The following MLLT10 variants were observed in gnomAD, a reference collection of about 807,000 sequenced individuals.
The protein encoded by MLLT10 is protein AF-10.
Under a neutral mutation model 129.1 loss-of-function variants are expected in MLLT10, and 30 were observed. The observed-to-expected ratio is 0.23, with a 90% CI of 0.17 to 0.32. MLLT10 has a LOEUF of 0.32. MLLT10 is among the 10% of genes least tolerant of loss of function. MLLT10 has a pLI of 1.00. For synonymous variants in MLLT10, 490 were observed against 446.4 expected (o/e 1.10, Z -1.23); for missense variants, 1,119 against 1,268.3 (o/e 0.88, Z 1.79).
At chr10:21,579,237 G>A (rs2041113188) in intron 3 of MLLT10, among the ~76,000 whole-genome samples, 1 of 152,116 alleles carries the variant, frequency 6.6e-6, no homozygotes, top group African/African-American at 2.4e-5. Flanking sequence ...TCCAGTCACT[G>A]TTCCCTCTGC....
intron 13 of MLLT10, among the ~76,000 whole-genome samples, chr10:21,705,700 T>G (rs1040955837): frequency 1.3e-5 from 2 of 152,176 alleles, no homozygotes; most frequent in African/African-American, 2.4e-5. Context: ...CAGTAGCTGG[T>G]GTATCTCTTG....
At chr10:21,708,787 C>T in intron 13 of MLLT10, 11 of 968,704 alleles carry the variant, frequency 1.1e-5, no homozygotes, top group Non-Finnish European at 1.4e-5. Context: ...GTAATTGCAA[C>T]TTTCAAAGTG....
intron 3 of MLLT10, among the ~76,000 whole-genome samples, chr10:21,557,461 G>A (rs2038190962): frequency 6.6e-6 from 1 of 152,000 alleles, no homozygotes; most frequent in African/African-American, 2.4e-5. Context: ...TTTTGTCCTG[G>A]TTACCAGGCA....
chr10:21,612,740 T>A (rs1406395059), intron 6 of MLLT10, among the ~76,000 whole-genome samples: 1 of 152,326 alleles, frequency 6.6e-6, no homozygotes, highest in East Asian at 1.9e-4. Context: ...GATTTGTTAT[T>A]ATGATTAAAT....
intron 8 of MLLT10, chr10:21,624,471 A>G (rs1473620316): frequency 5.1e-6 from 3 of 586,358 alleles, no homozygotes; most frequent in East Asian, 2.9e-5. Flanking sequence ...CTTCAGCCCA[A>G]TACAAATGGC....
chr10:21,655,764 G>A (rs1348461833), intron 9 of MLLT10, among the ~76,000 whole-genome samples: 4 of 152,190 alleles, frequency 2.6e-5, no homozygotes, highest in African/African-American at 9.7e-5. Context: ...TACAAGAGCT[G>A]TGGGAGCAAA....
At chr10:21,596,394 CTG>C (rs1413275797) in intron 5 of MLLT10, among the ~76,000 whole-genome samples, 7 of 152,014 alleles carry the variant, frequency 4.6e-5, no homozygotes, top group African/African-American at 9.7e-5. Context: ...ATTCAACAAA[CTG>C]TAAATTTAAT....
intron 13 of MLLT10, among the ~76,000 whole-genome samples, chr10:21,706,639 A>G (rs1016959749): frequency 6.6e-6 from 1 of 152,224 alleles, no homozygotes; most frequent in African/African-American, 2.4e-5. Context: ...CTGGATGGGT[A>G]CTTACTTGAC....
At chr10:21,595,259 G>A in intron 4 of MLLT10, 72 bp from the exon 5 acceptor site, 2 of 1,104,368 alleles carry the variant, frequency 1.8e-6, no homozygotes, top group Non-Finnish European at 2.7e-6. Flanking sequence ...TAAGGGATCT[G>A]TTAAGGAAGT....
chr10:21,717,626 C>CTCT (rs2056744623), intron 14 of MLLT10, among the ~76,000 whole-genome samples: 1 of 133,338 alleles, frequency 7.5e-6, no homozygotes, highest in Non-Finnish European at 1.6e-5. Context: ...CCTCTTCCTC[C>CTCT]TCCTCCTCCT....
intron 5 of MLLT10, among the ~76,000 whole-genome samples, chr10:21,611,423 G>A (rs1258663189): frequency 2.0e-5 from 3 of 151,844 alleles, no homozygotes; most frequent in Non-Finnish European, 4.4e-5. Flanking sequence ...GCACCACAGT[G>A]CAAAGTGAAT....
chr10:21,725,615 T>C (rs1271581476), intron 14 of MLLT10, among the ~76,000 whole-genome samples: 1 of 143,272 alleles, frequency 7.0e-6, no homozygotes, highest in Non-Finnish European at 1.5e-5. Flanking sequence ...TCCCAGCCAC[T>C]GGGAAGTCTG....
chr10:21,738,827 C>CCTCTT (rs2058596797), intron 21 of MLLT10, among the ~76,000 whole-genome samples: 1 of 152,098 alleles, frequency 6.6e-6, no homozygotes, highest in Non-Finnish European at 1.5e-5. Context: ...CCTGGGTCCT[C>CCTCTT]CTCTTCAGCC....
chr10:21,693,763 T>C (rs1007468978), intron 13 of MLLT10, among the ~76,000 whole-genome samples: 5 of 152,256 alleles, frequency 3.3e-5, no homozygotes, highest in African/African-American at 1.2e-4. Flanking sequence ...TGGATTTGAA[T>C]ACTGCCCTTA....
chr10:21,584,775 G>A (rs993588541), intron 3 of MLLT10, among the ~76,000 whole-genome samples: 14 of 151,486 alleles, frequency 9.2e-5, no homozygotes, highest in African/African-American at 3.4e-4. Flanking sequence ...TAAAGTATGT[G>A]TGTATGTGTG....
Position 21,595,448 on chromosome 10 carries a change from G to C in MLLT10, c.405+8G>C. On this transcript the variant is annotated splice_region_variant and intron_variant, in intron 5 of 22. Transcript: ENST00000307729. ...CATGATCGTTATAATAAGGTACAGTGGATATTATTTTATTACTGTTTGAAT... is the reference window on the plus strand; with the variant it reads ...CATGATCGTTATAATAAGGTACAGTCGATATTATTTTATTACTGTTTGAAT... The C allele has an allele frequency of 1.3e-6, 2 of 1,588,354 alleles. No individual in the cohort carries two copies. Among genetic ancestry groups the C allele is most frequent in the Non-Finnish European group, 1.7e-6 (2 of 1,159,198 alleles).
At chr10:21,576,631 ATTT>A (rs772463822) in intron 3 of MLLT10, among the ~76,000 whole-genome samples, 3 of 138,234 alleles carry the variant, frequency 2.2e-5, no homozygotes, top group Non-Finnish European at 1.6e-5. Flanking sequence ...CTAATACACA[ATTT>A]TTTTTTTTTT....
At chr10:21,545,356 A>C (rs925832586) in intron 3 of MLLT10, among the ~76,000 whole-genome samples, 17 of 152,072 alleles carry the variant, frequency 1.1e-4, no homozygotes, top group African/African-American at 4.1e-4. Context: ...TACAGTCGCC[A>C]CAGAGACAAC....
rs114093197 is a variant in MLLT10 at position 21,597,882 on chromosome 10, G to C, written c.405+2442G>C. On this transcript the variant is annotated intron_variant, in intron 5 of 22. Transcript: ENST00000307729. ...TTCTTTTTTTTGCATCCTATCAGTTGGTACATAATTTCAGTTTTTCCTTGA... is the reference window on the plus strand; with the variant it reads ...TTCTTTTTTTTGCATCCTATCAGTTCGTACATAATTTCAGTTTTTCCTTGA... Among the ~76,000 whole-genome samples the C allele has an allele frequency of 8.8e-3, 1,342 of 152,154 alleles. 14 individuals carry two copies. The highest frequency in any genetic ancestry group is 0.03 in the African/African-American group (1,253 of 41,496).
Sources: gnomAD v4.1 joint callset for allele counts (sites outside exome capture counted in the v4.1 genomes callset) on GRCh38, gnomAD v4.1.1 for gene constraint, MANE v1.5 for transcripts, NCBI Gene and HGNC (gene_info 2026-07-23, HGNC 2026-07-21) for gene names.